TPM2: variants seen among roughly 807,000 people sequenced by gnomAD.
TPM2 encodes the protein tropomyosin beta chain.
In TPM2, 26 loss-of-function variants were observed where a neutral mutation model predicts 41.0. The ratio of observed to expected loss-of-function variants is 0.63; its 90% CI spans 0.46 to 0.88. TPM2 has a LOEUF of 0.88. Ranked by LOEUF, TPM2 falls within the 40% of genes least tolerant of loss-of-function variation. The pLI, the probability that TPM2 is intolerant of heterozygous loss-of-function variation, is 0.00. For missense variants in TPM2, 187 were observed against 355.2 expected (o/e 0.53, Z 3.81); for synonymous variants, 143 against 139.3 (o/e 1.03, Z -0.19).
In TPM2 at chr9:35,685,536, G is replaced by A. The variant is rs1260827428; in HGVS notation, c.390C>T (p.Ile130=). The A allele has an allele frequency of 6.2e-6, 10 of 1,614,124 alleles. No homozygotes were observed. Among genetic ancestry groups the A allele is most frequent in the East Asian group, 2.2e-5 (1 of 44,876 alleles). Residue 130 remains isoleucine, a synonymous_variant, in exon 4 of 9, where the codon ATC becomes ATT. Coordinates refer to ENST00000645482, the MANE Select transcript of TPM2 (RefSeq NM_003289.4). This position sits in a 1 kb window ranked among gnomAD's most constrained non-coding sequence, Gnocchi z 5.0. The stretch of plus-strand genomic sequence containing the variant: ...CCTCATCCTTCATGGCCCGGTTTTC[G>A]ATGACCTTCATTCCTCTGAAAGGCA... The part of the protein sequence containing the change: ...ADESERGMKV[I]ENRAMKDEEK...
rs751675623 is a variant in TPM2, at chr9:35,684,289, C to G, written c.729G>C (p.Glu243Asp). The change falls in exon 8 of 9, where the codon GAG becomes GAC. Residue 243 changes from glutamate to aspartate, a missense_variant. Physicochemically the swap from Glu to Asp is conservative, Grantham distance 45. Coordinates refer to ENST00000645482, the MANE Select transcript of TPM2 (RefSeq NM_003289.4). ...TTTTCTCCAACTTTGCCACAGACCT[C>G]TCGGCAAACTCTGCTCGGGTCTCAG... The part of the protein sequence containing the change: ...KEAETRAEFA[E>D]RSVAKLEKTI... The G allele has an allele frequency of 6.2e-7, 1 of 1,614,082 alleles. No individual in the cohort carries two copies. The highest frequency in any genetic ancestry group is 1.3e-5 in the African/African-American group (1 of 74,920).
At chr9:35,682,265 G>T, downstream of TPM2, 2 of 1,261,186 alleles carry the variant, frequency 1.6e-6, no homozygotes, top group East Asian at 2.4e-5. Context: ...AGTGGGTCAA[G>T]GAAGACACAT....
At position 35,685,600 on chromosome 9, in the gene TPM2, G is replaced by C; in HGVS notation, c.374+47C>G. 6.2e-7 allele frequency: 1 copy of C among 1,614,166 alleles called. No individual in the cohort carries two copies. The highest frequency in any genetic ancestry group is 8.5e-7 in the Non-Finnish European group (1 of 1,180,022). On this transcript the variant is annotated intron_variant, in intron 3 of 8. Transcript: ENST00000645482. This position sits in a 1 kb window ranked among gnomAD's most constrained non-coding sequence, Gnocchi z 5.0. Reference sequence around the variant, plus strand: ...CGTAGGGTCAGGACCAGCAGAGACAGGCTCCCTTCTCCCTCCCGGACCATC... The same window carrying C: ...CGTAGGGTCAGGACCAGCAGAGACACGCTCCCTTCTCCCTCCCGGACCATC...
chr9:35,683,269 G>A, intron 8 of TPM2, 28 bp from the exon 9 acceptor site: 1 of 1,543,400 alleles, frequency 6.5e-7, no homozygotes, highest in Non-Finnish European at 8.8e-7. Flanking sequence ...AGGGGACCAG[G>A]TGGGAGTGTG....
At chr9:35,686,845 A>G (rs975326504) in intron 2 of TPM2, among the ~76,000 whole-genome samples, 1 of 152,134 alleles carries the variant, frequency 6.6e-6, no homozygotes, top group Admixed American at 6.5e-5. Context: ...TTGCAGTAGG[A>G]GGCAAAACCA....
In TPM2 at chr9:35,689,673, G is replaced by T. The variant is rs773714197; in HGVS notation, c.114+31C>A. ...GGCCCACCCTTGCCCTAGGCGCGGG[G>T]AGAGCAGGCTGCACTGGGCCCGGCC... On this transcript the variant is annotated intron_variant, in intron 1 of 8. Coordinates refer to ENST00000645482, the MANE Select transcript of TPM2 (RefSeq NM_003289.4). 4 of 1,610,188 alleles carry T rather than the reference G, an allele frequency of 2.5e-6. No individual in the cohort carries two copies. In the South Asian group the frequency reaches 3.3e-5, roughly 13 times the overall value.
downstream of TPM2, chr9:35,682,337 G>T: frequency 3.1e-6 from 3 of 957,204 alleles, no homozygotes; most frequent in South Asian, 1.5e-5. Flanking sequence ...AGGATGAGGG[G>T]AACAGGACGG....
chr9:35,689,072 C>T (rs1825101517), intron 2 of TPM2, 74 bp downstream of exon 2: 2 of 1,571,542 alleles, frequency 1.3e-6, no homozygotes, highest in Non-Finnish European at 8.8e-7. Context: ...TGCCCCAATC[C>T]TCTTATTCCC....
At chr9:35,687,712 T>C (rs924835879) in intron 2 of TPM2, among the ~76,000 whole-genome samples, 3 of 151,826 alleles carry the variant, frequency 2.0e-5, no homozygotes, top group East Asian at 3.9e-4. Flanking sequence ...GTGGGGGACA[T>C]TGGAGTACTA....
chr9:35,683,296 G>T, intron 8 of TPM2, 55 bp from the exon 9 acceptor site: 1 of 1,477,646 alleles, frequency 6.8e-7, no homozygotes, highest in Non-Finnish European at 9.3e-7. Flanking sequence ...GGAGTGGAGG[G>T]AAAGAGGAAA....
rs1824821198 is a variant in TPM2 at position 35,685,149 on chromosome 9, G to T, written c.563+120C>A. On this transcript the variant is annotated intron_variant, in intron 5 of 8. Coordinates refer to ENST00000645482, the MANE Select transcript of TPM2 (RefSeq NM_003289.4). The surrounding 1 kb of genome is among the most constrained non-coding windows in gnomAD (Gnocchi z 5.0). Reference sequence around the variant, plus strand: ...CAGCTGTCTGGCTCGGCTGGGGGCAGCGGGCAGGGGTCAGAGAACAGGGCC... The same window carrying T: ...CAGCTGTCTGGCTCGGCTGGGGGCATCGGGCAGGGGTCAGAGAACAGGGCC... 1.9e-6 allele frequency: 3 copies of T among 1,614,186 alleles called. No homozygotes were observed.
intron 8 of TPM2, chr9:35,684,016 C>T (rs1824727508): frequency 1.8e-6 from 1 of 560,618 alleles, no homozygotes; most frequent in Non-Finnish European, 3.2e-6. Flanking sequence ...GTTTTTAAAA[C>T]TCTCCCAGTG....
intron 2 of TPM2, among the ~76,000 whole-genome samples, chr9:35,688,575 G>T (rs1825071877): frequency 6.6e-6 from 1 of 152,180 alleles, no homozygotes; most frequent in African/African-American, 2.4e-5. Flanking sequence ...GCCTGGCATG[G>T]TCTCCAGGCT....
intron 5 of TPM2, 48 bp from the exon 6 acceptor site, chr9:35,684,855 A>C (rs1191049236): frequency 6.2e-7 from 1 of 1,613,868 alleles, no homozygotes; most frequent in Non-Finnish European, 8.5e-7. Context: ...GGCACAGCGA[A>C]GCCAGACAGT....
chr9:35,682,856 AG>A (rs766127007), downstream of TPM2: 185 of 1,435,812 alleles, frequency 1.3e-4, no homozygotes, highest in Non-Finnish European at 1.5e-4. Context: ...AGTAAGTGCC[AG>A]GGTGTCAGGA....
chr9:35,684,459 G>A (rs770902004), intron 7 of TPM2, 29 bp downstream of exon 7: 2 of 1,613,970 alleles, frequency 1.2e-6, no homozygotes, highest in Admixed American at 1.7e-5. Flanking sequence ...GGCTTGAGGG[G>A]AGACTGGGAA....
chr9:35,688,271 C>T (rs906227950), intron 2 of TPM2, among the ~76,000 whole-genome samples: 3 of 152,144 alleles, frequency 2.0e-5, no homozygotes, highest in African/African-American at 7.2e-5. Flanking sequence ...CATGAGCAGT[C>T]GACACAAACA....
intron 8 of TPM2, 153 bp downstream of exon 8, chr9:35,684,093 G>T (rs1824731623): frequency 1.3e-6 from 1 of 747,210 alleles, no homozygotes. Context: ...ACAATTACTT[G>T]AATTGTAGAC....
chr9:35,685,385 G>C lies in TPM2; in HGVS notation c.493-46C>G, dbSNP rs1824841009. ...AGGGTAGATCAGTGGAGAAGGACTG[G>C]GCATGTTGCAGGCTGGGCAGCGAGC... On this transcript the variant is annotated intron_variant, in intron 4 of 8. Transcript: ENST00000645482. This position sits in a 1 kb window ranked among gnomAD's most constrained non-coding sequence, Gnocchi z 5.0. 1 of 1,614,122 alleles carries C rather than the reference G, an allele frequency of 6.2e-7. No homozygotes were observed. Among genetic ancestry groups the C allele is most frequent in the Non-Finnish European group, 8.5e-7 (1 of 1,179,984 alleles).
Sources: allele counts gnomAD v4.1 joint callset (sites outside exome capture counted in the v4.1 genomes callset), GRCh38; gene constraint gnomAD v4.1.1; non-coding constraint Gnocchi (gnomAD v3.1); transcripts MANE v1.5; gene names NCBI Gene and HGNC (gene_info 2026-07-23, HGNC 2026-07-21).